Variants in DGKD observed in about 807,000 individuals in gnomAD.
The protein encoded by DGKD is diacylglycerol kinase delta.
Under a neutral mutation model 154.4 loss-of-function variants are expected in DGKD, and 68 were observed. That is an observed-to-expected ratio of 0.44 (90% CI 0.36 to 0.54). DGKD has a LOEUF of 0.54. Among genes scored for constraint, DGKD ranks in the 20% least tolerant of loss-of-function variants. The pLI, the probability that DGKD is intolerant of heterozygous loss-of-function variation, is 0.00. For synonymous variants in DGKD, 693 were observed against 638.0 expected (o/e 1.09, Z -1.30); for missense variants, 1,343 against 1,593.6 (o/e 0.84, Z 2.68).
chr2:233,452,180 A>G lies in DGKD; in HGVS notation c.2264+120A>G, dbSNP rs2063316074. 2.1e-6 allele frequency: 2 copies of G among 931,334 alleles called. No individual in the cohort carries two copies. The highest frequency in any genetic ancestry group is 3.4e-6 in the Non-Finnish European group (2 of 593,220). 57.7% of individuals were successfully genotyped at this position (931,334 alleles called of 1,614,324 possible). On this transcript the variant is annotated intron_variant, in intron 18 of 29. Coordinates refer to ENST00000264057, the MANE Select transcript of DGKD (RefSeq NM_152879.3). The surrounding 1 kb of genome is among the most constrained non-coding windows in gnomAD (Gnocchi z 4.0). ...AGTTGCCCAGCTGGTGGTAGCTGAT[A>G]AGGAAGGCTGAGAAGTCGTGGAGAT...
chr2:233,391,361 A>G (rs1703599427), intron 3 of DGKD, among the ~76,000 whole-genome samples: 1 of 152,112 alleles, frequency 6.6e-6, no homozygotes, highest in South Asian at 2.1e-4. Flanking sequence ...CTTTACCTAC[A>G]TGTACCCATG....
chr2:233,437,642 G>A (rs2062744577), intron 8 of DGKD, among the ~76,000 whole-genome samples, 163 bp downstream of exon 8: 1 of 152,238 alleles, frequency 6.6e-6, no homozygotes, highest in South Asian at 2.1e-4. Flanking sequence ...AGCGGCACAC[G>A]GCGCCCTGAT....
chr2:233,445,151 AG>A lies in DGKD; in HGVS notation c.1195-471del, dbSNP rs1393050095. Among the ~76,000 whole-genome samples, 1 of 152,084 alleles carries A rather than the reference AG, an allele frequency of 6.6e-6. No individual in the cohort carries two copies. The highest frequency in any genetic ancestry group is 1.5e-5 in the Non-Finnish European group (1 of 68,030). ...CTGGCACCTTTTTTGGATAGGATTT[AG>A]AGGAGAGAAGTGATACTAGTGATGT... is the stretch of plus-strand genomic sequence containing the variant. On this transcript the variant is annotated intron_variant, in intron 10 of 29. Transcript: ENST00000264057. The surrounding 1 kb of genome is among the most constrained non-coding windows in gnomAD (Gnocchi z 5.5).
intron 3 of DGKD, chr2:233,429,297 AG>A: frequency 3.1e-5 from 31 of 985,300 alleles, no homozygotes; most frequent in Non-Finnish European, 3.7e-5. Context: ...AGTTATGCAC[AG>A]TAAGGTATAT....
intron 3 of DGKD, among the ~76,000 whole-genome samples, chr2:233,427,544 GTT>G (rs538271487): frequency 6.4e-4 from 98 of 152,138 alleles, no homozygotes; most frequent in Admixed American, 1.5e-3. Flanking sequence ...GTTTTACCAT[GTT>G]GGCCAGGCTG....
Position 233,452,160 on chromosome 2 carries a change from C to A in DGKD, c.2264+100C>A. 1.8e-6 allele frequency: 2 copies of A among 1,133,236 alleles called. No individual in the cohort carries two copies. Among genetic ancestry groups the A allele is most frequent in the Non-Finnish European group, 2.6e-6 (2 of 759,134 alleles). 70.2% of individuals were successfully genotyped at this position (1,133,236 alleles called of 1,614,324 possible). ...AACTAGAGAAATTAGTGAGCAGTTGCCCAGCTGGTGGTAGCTGATAAGGAA... is the reference window on the plus strand; with the variant it reads ...AACTAGAGAAATTAGTGAGCAGTTGACCAGCTGGTGGTAGCTGATAAGGAA... On this transcript the variant is annotated intron_variant, in intron 18 of 29. Transcript: ENST00000264057. The surrounding 1 kb of genome is among the most constrained non-coding windows in gnomAD (Gnocchi z 4.0).
At chr2:233,447,667 A>G (rs2063128678) in intron 12 of DGKD, 1 of 1,024,350 alleles carries the variant, frequency 9.8e-7, no homozygotes, top group South Asian at 3.8e-5. Context: ...TGACAGCCAG[A>G]ACAGATGGTG....
At chr2:233,446,926 CGGAG>C in intron 12 of DGKD, 130 bp downstream of exon 12, 1 of 1,066,292 alleles carries the variant, frequency 9.4e-7, no homozygotes, top group Non-Finnish European at 1.4e-6. Flanking sequence ...GTCAGGCCTG[CGGAG>C]GCGCAGGGTG....
At chr2:233,462,289 T>C (rs987418795) in intron 24 of DGKD, 59 bp from the exon 25 acceptor site, 2 of 1,401,318 alleles carry the variant, frequency 1.4e-6, no homozygotes, top group Non-Finnish European at 2.0e-6. Context: ...AGATGCGTAT[T>C]GTGAAAGGCT....
intron 1 of DGKD, among the ~76,000 whole-genome samples, chr2:233,367,471 C>T (rs563426547): frequency 1.7e-4 from 26 of 152,206 alleles, no homozygotes; most frequent in Non-Finnish European, 2.9e-4. Context: ...TCAAGTGATC[C>T]GCCCACCTCG....
chr2:233,457,378 G>C lies in DGKD; in HGVS notation c.2580+50G>C. On this transcript the variant is annotated intron_variant, in intron 21 of 29. Coordinates refer to ENST00000264057, the MANE Select transcript of DGKD (RefSeq NM_152879.3). The surrounding 1 kb of genome is among the most constrained non-coding windows in gnomAD (Gnocchi z 5.5). ...GGCCTGAGCTCAGTGGGGAAGAGCTGTCTGAGAGCAGGGGGGTGTTCTGCT... is the reference window on the plus strand; with the variant it reads ...GGCCTGAGCTCAGTGGGGAAGAGCTCTCTGAGAGCAGGGGGGTGTTCTGCT... 1 of 1,354,198 alleles carries C rather than the reference G, an allele frequency of 7.4e-7. No homozygotes were observed. Among genetic ancestry groups the C allele is most frequent in the Non-Finnish European group, 1.1e-6 (1 of 947,746 alleles). 83.9% of individuals were successfully genotyped at this position (1,354,198 alleles called of 1,614,324 possible).
chr2:233,427,062 A>C (rs2062330409), intron 3 of DGKD, among the ~76,000 whole-genome samples: 1 of 152,200 alleles, frequency 6.6e-6, no homozygotes, highest in African/African-American at 2.4e-5. Flanking sequence ...GTGTGTAAAA[A>C]TTCACATCTG....
At chr2:233,464,009 G>A in intron 26 of DGKD, 155 bp from the exon 27 acceptor site, 1 of 1,031,262 alleles carries the variant, frequency 9.7e-7, no homozygotes, top group South Asian at 1.7e-5. Flanking sequence ...TCTGGGTTTG[G>A]TTCCTTTTCT....
At chr2:233,370,798 C>T (rs1320100346) in intron 1 of DGKD, among the ~76,000 whole-genome samples, 2 of 151,446 alleles carry the variant, frequency 1.3e-5, no homozygotes, top group Non-Finnish European at 2.9e-5. Context: ...GTCACCCAGG[C>T]TGGAGTGCAG....
At chr2:233,374,525 G>A (rs149698199) in intron 1 of DGKD, among the ~76,000 whole-genome samples, 84 of 152,202 alleles carry the variant, frequency 5.5e-4, no homozygotes, top group African/African-American at 1.9e-3. Context: ...TGTAGAGATG[G>A]CATCTCACCG....
At chr2:233,412,013 G>A (rs1004575535) in intron 3 of DGKD, among the ~76,000 whole-genome samples, 3 of 151,952 alleles carry the variant, frequency 2.0e-5, no homozygotes, top group Non-Finnish European at 2.9e-5. Context: ...TCTACACTTT[G>A]TTGATTACTG....
intron 3 of DGKD, among the ~76,000 whole-genome samples, chr2:233,422,534 A>C (rs114568546): frequency 6.6e-6 from 1 of 152,142 alleles, no homozygotes; most frequent in Non-Finnish European, 1.5e-5. Flanking sequence ...AATGTGTACC[A>C]AAGGTGTGTC....
chr2:233,372,948 G>A (rs1214255033), intron 1 of DGKD, among the ~76,000 whole-genome samples: 1 of 152,200 alleles, frequency 6.6e-6, no homozygotes, highest in Non-Finnish European at 1.5e-5. Context: ...AGCCACCCCA[G>A]TGTCCAAGTC....
chr2:233,378,702 A>G (rs1279524314), intron 1 of DGKD, among the ~76,000 whole-genome samples: 1 of 151,952 alleles, frequency 6.6e-6, no homozygotes, highest in Non-Finnish European at 1.5e-5. Flanking sequence ...CCCTTTTTCT[A>G]CCAGATTTTT....
Sources: allele counts gnomAD v4.1 joint callset (sites outside exome capture counted in the v4.1 genomes callset), GRCh38; gene constraint gnomAD v4.1.1; non-coding constraint Gnocchi (gnomAD v3.1); transcripts MANE v1.5; gene names NCBI Gene and HGNC (gene_info 2026-07-23, HGNC 2026-07-21).